The following ATF7 variants were observed in gnomAD, a reference collection of about 807,000 sequenced individuals.
The protein encoded by ATF7 is activating transcription factor 7, also known as cyclic AMP-dependent transcription factor ATF-7.
In ATF7, 10 loss-of-function variants were observed where a neutral mutation model predicts 50.4. That is an observed-to-expected ratio of 0.20 (90% CI 0.12 to 0.34). The LOEUF (loss-of-function observed/expected upper bound fraction) is 0.34. Ranked by LOEUF, ATF7 falls within the 10% of genes least tolerant of loss-of-function variation. ATF7 has a pLI of 1.00. For synonymous variants in ATF7, 201 were observed against 226.4 expected (o/e 0.89, Z 1.01); for missense variants, 465 against 613.9 (o/e 0.76, Z 2.56).
intron 2 of ATF7, among the ~76,000 whole-genome samples, chr12:53,570,740 T>A (rs924128914): frequency 2.6e-5 from 1 of 38,032 alleles, no homozygotes; most frequent in Non-Finnish European, 6.1e-5. Context: ...TGTGTGCGTG[T>A]GTGTGTGTGT....
intron 1 of ATF7, among the ~76,000 whole-genome samples, chr12:53,621,510 G>A: frequency 6.6e-6 from 1 of 152,070 alleles, no homozygotes; most frequent in African/African-American, 2.4e-5. Flanking sequence ...TGGCCGGCGC[G>A]GTGGCTCACG....
Position 53,537,439 on chromosome 12 carries a change from G to T in ATF7, c.378C>A (p.Pro126=). ...CCTTCTCCTTCAGTGGTGGGGAACA[G>T]GGACTAGAGGCAGGGCTATCAGGTG... is the stretch of plus-strand genomic sequence containing the variant. ...SSPPDSPASS[P]CSPPLKEKEV... is the part of the protein sequence containing the mutation. Residue 126 remains proline (P), a synonymous_variant, in exon 5 of 12, where the codon CCC becomes CCA. Coordinates refer to ENST00000420353, the MANE Select transcript of ATF7 (RefSeq NM_006856.3). 6.2e-7 allele frequency: 1 copy of T among 1,613,812 alleles called. No individual in the cohort carries two copies. Among genetic ancestry groups the T allele is most frequent in the African/African-American group, 1.3e-5 (1 of 75,026 alleles).
chr12:53,533,155 C>A lies in ATF7; in HGVS notation c.660+5G>T. On this transcript the variant is annotated splice_donor_5th_base_variant and intron_variant, in intron 7 of 11. Coordinates refer to ENST00000420353, the MANE Select transcript of ATF7 (RefSeq NM_006856.3). ...AGGGTTGGCTGCCCCAACTACAGAG[C>A]TCACCGATATAACAGACGGCATCTG... The A allele has an allele frequency of 6.2e-7, 1 of 1,608,624 alleles. No individual in the cohort carries two copies. The highest frequency in any genetic ancestry group is 2.2e-5 in the East Asian group (1 of 44,846).
intron 2 of ATF7, among the ~76,000 whole-genome samples, chr12:53,564,109 C>T (rs1288209281): frequency 6.6e-6 from 1 of 152,198 alleles, no homozygotes. Context: ...GATACAGTGG[C>T]TTATGCCTGT....
At chr12:53,528,867 G>A (rs1938667207) in intron 9 of ATF7, among the ~76,000 whole-genome samples, 1 of 152,178 alleles carries the variant, frequency 6.6e-6, no homozygotes, top group South Asian at 2.1e-4. Context: ...ATTTCAGTAA[G>A]TCATGCAGGG....
chr12:53,623,008 C>A (rs990713349), intron 1 of ATF7, among the ~76,000 whole-genome samples: 1 of 152,144 alleles, frequency 6.6e-6, no homozygotes, highest in Admixed American at 6.5e-5. Flanking sequence ...CATAGCGAGA[C>A]CCTGTCTCTA....
intron 2 of ATF7, among the ~76,000 whole-genome samples, chr12:53,571,936 G>A (rs1941788201): frequency 6.6e-6 from 1 of 151,932 alleles, no homozygotes; most frequent in Non-Finnish European, 1.5e-5. Context: ...GTGTGGTGGC[G>A]CACACCTGTA....
intron 3 of ATF7, among the ~76,000 whole-genome samples, chr12:53,546,261 G>A (rs1486679493): frequency 6.6e-6 from 1 of 152,012 alleles, no homozygotes; most frequent in Non-Finnish European, 1.5e-5. Flanking sequence ...GGTGGTACAT[G>A]TCTGTGATCC....
At chr12:53,557,934 A>G (rs571424559) in intron 2 of ATF7, among the ~76,000 whole-genome samples, 4 of 152,368 alleles carry the variant, frequency 2.6e-5, no homozygotes, top group Non-Finnish European at 5.9e-5. Context: ...TAAATAAAAT[A>G]TATTATTACA....
chr12:53,594,900 AG>A (rs1424312369), intron 2 of ATF7, among the ~76,000 whole-genome samples: 4 of 151,182 alleles, frequency 2.6e-5, no homozygotes, highest in East Asian at 2.0e-4. Flanking sequence ...AAAAAAAAAA[AG>A]AAAAAAAAAA....
chr12:53,545,406 G>A (rs374309829), intron 3 of ATF7, among the ~76,000 whole-genome samples: 19 of 152,024 alleles, frequency 1.2e-4, no homozygotes, highest in African/African-American at 4.1e-4. Flanking sequence ...TGCAACCTCC[G>A]CCTCACCGTA....
intron 1 of ATF7, among the ~76,000 whole-genome samples, chr12:53,611,024 G>T (rs185152408): frequency 6.6e-6 from 1 of 151,324 alleles, no homozygotes; most frequent in Non-Finnish European, 1.5e-5. Context: ...AGGGGGTCTT[G>T]CCATGTAGCC....
intron 11 of ATF7, among the ~76,000 whole-genome samples, chr12:53,519,904 GC>G (rs2137319859): frequency 6.6e-6 from 1 of 152,106 alleles, no homozygotes; most frequent in Non-Finnish European, 1.5e-5. Flanking sequence ...ACGCCACCAT[GC>G]CTGGCTGATT....
intron 3 of ATF7, among the ~76,000 whole-genome samples, chr12:53,548,365 C>G (rs886201564): frequency 2.0e-5 from 3 of 152,056 alleles, no homozygotes; most frequent in Non-Finnish European, 4.4e-5. Flanking sequence ...GACAAGGTCT[C>G]GATTTGTCAT....
intron 1 of ATF7, among the ~76,000 whole-genome samples, chr12:53,603,409 T>C (rs1380279210): frequency 6.6e-6 from 1 of 151,966 alleles, no homozygotes; most frequent in Non-Finnish European, 1.5e-5. Flanking sequence ...ACAAAAAAAT[T>C]TGGGGGGAAA....
At position 53,560,940 on chromosome 12, in the gene ATF7, TTTTC is replaced by T. The variant is rs1300632977; in HGVS notation, c.49-8307_49-8304del. ...ATCTATACTTGGGCTTGGTTTTTTC[TTTTC>T]TTTCTTTTTTTTTTTTTTTTACACA... On this transcript the variant is annotated intron_variant, in intron 2 of 11. Coordinates refer to ENST00000420353, the MANE Select transcript of ATF7 (RefSeq NM_006856.3). Among the ~76,000 whole-genome samples the T allele has an allele frequency of 7.3e-4, 110 of 151,172 alleles. 2 individuals carry two copies. The South Asian group carries it at 7.8e-3, about 11-fold the overall frequency.
Position 53,524,912 on chromosome 12 carries a change from C to A in ATF7, c.928-151G>T, listed in dbSNP as rs1938355422. 3 of 746,322 alleles carry A rather than the reference C, an allele frequency of 4.0e-6. No homozygotes were observed. The African/African-American group carries it at 5.4e-5, about 13-fold the overall frequency. The allele number at this position is 746,322 out of a possible 1,614,324, so 46.2% of individuals were successfully genotyped here. Reference sequence around the variant, plus strand: ...GTCTCATTACTATGTCCCCAAGCTTCCCTTTTGTAGGAGTCCTCAATTTTG... The same window carrying A: ...GTCTCATTACTATGTCCCCAAGCTTACCTTTTGTAGGAGTCCTCAATTTTG... On this transcript the variant is annotated intron_variant, in intron 9 of 11. Transcript: ENST00000420353. This position sits in a 1 kb window ranked among gnomAD's most constrained non-coding sequence, Gnocchi z 4.6.
At chr12:53,576,546 G>A (rs1942076792) in intron 2 of ATF7, among the ~76,000 whole-genome samples, 1 of 152,176 alleles carries the variant, frequency 6.6e-6, no homozygotes, top group Admixed American at 6.5e-5. Flanking sequence ...ACTGCCATGT[G>A]AGGACACAGA....
At chr12:53,608,430 G>A (rs191969615) in intron 1 of ATF7, among the ~76,000 whole-genome samples, 37 of 152,164 alleles carry the variant, frequency 2.4e-4, no homozygotes, top group African/African-American at 8.7e-4. Context: ...CAAACACGGT[G>A]GAAACTCGTT....
Sources: allele counts gnomAD v4.1 joint callset (sites outside exome capture counted in the v4.1 genomes callset), GRCh38; gene constraint gnomAD v4.1.1; non-coding constraint Gnocchi (gnomAD v3.1); transcripts MANE v1.5; gene names NCBI Gene and HGNC (gene_info 2026-07-23, HGNC 2026-07-21).